Variants in PRKN observed in about 807,000 individuals in gnomAD.
PRKN encodes E3 ubiquitin-protein ligase parkin.
PRKN carries 56 observed loss-of-function variants against 59.5 expected under a neutral mutation model. The observed-to-expected ratio is 0.94, with a 90% confidence interval of 0.76 to 1.18. PRKN has a LOEUF of 1.18. Among genes scored for constraint, PRKN ranks in the 50% most tolerant of loss-of-function variants. PRKN has a pLI of 0.00. For missense variants in PRKN, 657 were observed against 596.4 expected (o/e 1.10, Z -1.06); for synonymous variants, 250 against 222.1 (o/e 1.13, Z -1.12).
chr6:162,159,888 A>T (rs895082863), intron 4 of PRKN, among the ~76,000 whole-genome samples: 1 of 152,220 alleles, frequency 6.6e-6, no homozygotes, highest in African/African-American at 2.4e-5. Context: ...GATCAATTAA[A>T]TTGATCTGAT....
At chr6:161,751,335 C>T (rs531178495) in intron 7 of PRKN, among the ~76,000 whole-genome samples, 4 of 152,308 alleles carry the variant, frequency 2.6e-5, no homozygotes, top group African/African-American at 9.6e-5. Flanking sequence ...TCCTATCAAT[C>T]ATAATTCTAT....
At chr6:162,474,998 G>A (rs1233752120) in intron 1 of PRKN, among the ~76,000 whole-genome samples, 4 of 152,136 alleles carry the variant, frequency 2.6e-5, no homozygotes, top group African/African-American at 7.2e-5. Flanking sequence ...AAATTCTTCT[G>A]AGAATTGTTT....
chr6:161,996,451 C>T (rs1056821776), intron 5 of PRKN, among the ~76,000 whole-genome samples: 1 of 152,042 alleles, frequency 6.6e-6, no homozygotes, highest in Admixed American at 6.6e-5. Context: ...TTCTTTTTGG[C>T]TGATTTGCCA....
At chr6:162,295,577 G>A (rs1002539702) in intron 2 of PRKN, among the ~76,000 whole-genome samples, 5 of 152,202 alleles carry the variant, frequency 3.3e-5, no homozygotes, top group African/African-American at 1.2e-4. Flanking sequence ...TTAACTAATT[G>A]TCCAATAATT....
At chr6:161,777,744 TATAG>T (rs1273072600) in intron 7 of PRKN, among the ~76,000 whole-genome samples, 1 of 138,604 alleles carries the variant, frequency 7.2e-6, no homozygotes, top group African/African-American at 2.8e-5. Context: ...TATATGTATA[TATAG>T]ATATATATGT....
At chr6:162,223,651 ACACACACAC>A (rs1010326577) in intron 3 of PRKN, among the ~76,000 whole-genome samples, 2 of 98,212 alleles carry the variant, frequency 2.0e-5, no homozygotes, top group African/African-American at 1.4e-4. Context: ...ACACACACAC[ACACACACAC>A]AAACATAATG....
chr6:162,356,635 G>A (rs1231792265), intron 2 of PRKN, among the ~76,000 whole-genome samples: 1 of 148,030 alleles, frequency 6.8e-6, no homozygotes, highest in Non-Finnish European at 1.5e-5. Context: ...CTTATATAGA[G>A]AAGAAGAAGA....
intron 9 of PRKN, among the ~76,000 whole-genome samples, chr6:161,531,250 G>A (rs1343237938): frequency 1.3e-4 from 20 of 151,814 alleles, no homozygotes; most frequent in South Asian, 2.1e-4. Context: ...GTATGGTGGC[G>A]GGCGCCTGTA....
chr6:162,389,959 C>T (rs1787075982), intron 2 of PRKN, among the ~76,000 whole-genome samples: 1 of 152,180 alleles, frequency 6.6e-6, no homozygotes, highest in African/African-American at 2.4e-5. Flanking sequence ...ATAAGATTCT[C>T]ACTTAGTGCA....
chr6:161,633,673 A>T (rs1783400223), intron 7 of PRKN, among the ~76,000 whole-genome samples: 1 of 152,206 alleles, frequency 6.6e-6, no homozygotes, highest in South Asian at 2.1e-4. Context: ...GTTGCCCATG[A>T]ATCTTCTAAG....
intron 2 of PRKN, among the ~76,000 whole-genome samples, chr6:162,358,797 C>A (rs373642558): frequency 6.6e-6 from 1 of 151,936 alleles, no homozygotes; most frequent in Non-Finnish European, 1.5e-5. Flanking sequence ...GAGCAGCTCA[C>A]GCCTGTAATC....
At chr6:161,835,316 C>G (rs1273296349) in intron 6 of PRKN, among the ~76,000 whole-genome samples, 2 of 152,098 alleles carry the variant, frequency 1.3e-5, no homozygotes, top group Non-Finnish European at 2.9e-5. Context: ...GGAAGGGGGG[C>G]TTCCTGGGGC....
At chr6:162,482,146 G>A (rs1792335877) in intron 1 of PRKN, among the ~76,000 whole-genome samples, 1 of 151,952 alleles carries the variant, frequency 6.6e-6, no homozygotes, top group Non-Finnish European at 1.5e-5. Context: ...TTATCTCCTG[G>A]GATAATTAGG....
At chr6:162,697,382 C>T (rs960379670) in intron 1 of PRKN, among the ~76,000 whole-genome samples, 12 of 152,190 alleles carry the variant, frequency 7.9e-5, no homozygotes, top group Admixed American at 7.2e-4. Context: ...GAAACTCAGA[C>T]CTTCCTAGCC....
chr6:162,618,170 T>C (rs1007294775), intron 1 of PRKN, among the ~76,000 whole-genome samples: 5 of 149,070 alleles, frequency 3.4e-5, no homozygotes, highest in Non-Finnish European at 7.4e-5. Flanking sequence ...TAAAACTGTT[T>C]GGAGCACATT....
Position 161,562,846 on chromosome 6 carries a change from A to T in PRKN, c.933+6509T>A, listed in dbSNP as rs1780508108. ...GCCTCTCCATATTGCAACAAGATTG[A>T]CATACTCAAAATGTAATTTGGATAA... On this transcript the variant is annotated intron_variant, in intron 8 of 11. Transcript: ENST00000366898. The surrounding 1 kb of genome is among the most constrained non-coding windows in gnomAD (Gnocchi z 4.3). Among the ~76,000 whole-genome samples, 1 of 152,214 alleles carries T rather than the reference A, an allele frequency of 6.6e-6. No homozygotes were observed. Among genetic ancestry groups the T allele is most frequent in the Non-Finnish European group, 1.5e-5 (1 of 68,042 alleles).
chr6:162,019,208 T>G (rs1298200029), intron 5 of PRKN, among the ~76,000 whole-genome samples: 1 of 152,204 alleles, frequency 6.6e-6, no homozygotes. Context: ...TATTCATGAC[T>G]TAAGCATTAA....
At chr6:161,751,117 A>C (rs1363299187) in intron 7 of PRKN, among the ~76,000 whole-genome samples, 1 of 152,238 alleles carries the variant, frequency 6.6e-6, no homozygotes, top group Admixed American at 6.5e-5. Context: ...AAAAAAGTTC[A>C]GTAGAACCAA....
chr6:162,591,793 GTAATAATAATCCTTTGTAA>G lies in PRKN; in HGVS notation c.7+135850_7+135868del, dbSNP rs1435151780. On this transcript the variant is annotated intron_variant, in intron 1 of 11. Coordinates refer to ENST00000366898, the MANE Select transcript of PRKN (RefSeq NM_004562.3). ...TATACAGCAAGTGTGAAATAAGTAAGTAATAATAATCCTTTGTAATAATAATAATCCTTTGTAATAATAA... is the reference window on the plus strand; with the variant it reads ...TATACAGCAAGTGTGAAATAAGTAAGTAATAATAATCCTTTGTAATAATAA... Among the ~76,000 whole-genome samples, 215 of 150,836 alleles carry G rather than the reference GTAATAATAATCCTTTGTAA, an allele frequency of 1.4e-3. 2 individuals are homozygous for G. In the South Asian group the frequency reaches 0.016, roughly 11 times the overall value.
Sources: gnomAD v4.1 joint callset for allele counts (sites outside exome capture counted in the v4.1 genomes callset) on GRCh38, gnomAD v4.1.1 for gene constraint, Gnocchi (gnomAD v3.1) non-coding constraint, MANE v1.5 for transcripts, NCBI Gene and HGNC (gene_info 2026-07-23, HGNC 2026-07-21) for gene names.